Variants in ERAP2 observed in about 807,000 individuals in gnomAD.
ERAP2 encodes endoplasmic reticulum aminopeptidase 2.
Under a neutral mutation model 111.1 loss-of-function variants are expected in ERAP2, and 118 were observed. That is an observed-to-expected ratio of 1.06 (90% confidence interval 0.92 to 1.24). The LOEUF (loss-of-function observed/expected upper bound fraction) is 1.24. Ranked by LOEUF, ERAP2 falls within the 50% of genes most tolerant of loss-of-function variation. ERAP2 has a pLI of 0.00. For missense variants in ERAP2, 1,131 were observed against 1,125.8 expected (o/e 1.00, Z -0.07); for synonymous variants, 410 against 401.2 (o/e 1.02, Z -0.26).
intron 2 of ERAP2, among the ~76,000 whole-genome samples, chr5:96,882,392 G>A (rs146555369): frequency 6.0e-4 from 92 of 152,264 alleles, no homozygotes; most frequent in Middle Eastern, 3.4e-3. Flanking sequence ...TATTCCTGAT[G>A]CTCCTTATGG....
chr5:96,900,206 T>C lies in ERAP2; in HGVS notation c.1572+17T>C. ...AGTAACATGGTAAGGATAAAGAGAG[T>C]CACAGAGTAGAAGAGATCTGTGGAA... On this transcript the variant is annotated intron_variant, in intron 10 of 18. Transcript: ENST00000437043. 6.2e-7 allele frequency: 1 copy of C among 1,613,088 alleles called. No homozygotes were observed. Among genetic ancestry groups the C allele is most frequent in the Non-Finnish European group, 8.5e-7 (1 of 1,179,592 alleles).
intron 15 of ERAP2, 80 bp from the exon 16 acceptor site, chr5:96,912,557 T>C: frequency 9.9e-7 from 1 of 1,006,374 alleles, no homozygotes; most frequent in Non-Finnish European, 1.5e-6. Context: ...GATTATTGTG[T>C]TATAGGACTT....
chr5:96,877,355 G>A (rs531291844), intron 1 of ERAP2, among the ~76,000 whole-genome samples: 2 of 152,220 alleles, frequency 1.3e-5, no homozygotes, highest in Non-Finnish European at 2.9e-5. Flanking sequence ...AAGACTGTGT[G>A]AGTAAAGCTT....
At chr5:96,900,504 A>C (rs1481932966) in intron 10 of ERAP2, among the ~76,000 whole-genome samples, 1 of 152,158 alleles carries the variant, frequency 6.6e-6, no homozygotes, top group Admixed American at 6.5e-5. Context: ...AAATGCCAAA[A>C]TAAGTATGCT....
At chr5:96,892,559 G>A in intron 6 of ERAP2, 106 bp downstream of exon 6, 1 of 1,339,210 alleles carries the variant, frequency 7.5e-7, no homozygotes, top group Non-Finnish European at 1.0e-6. Flanking sequence ...TACCTCTAGA[G>A]GGGAACTTAG....
chr5:96,904,051 A>C (rs1398717941), intron 13 of ERAP2, among the ~76,000 whole-genome samples: 1 of 152,244 alleles, frequency 6.6e-6, no homozygotes, highest in Non-Finnish European at 1.5e-5. Flanking sequence ...TCTCTTAAGG[A>C]AAAGTACAAA....
At chr5:96,896,965 T>TAAGTCATATGTTGGGTAACGATAGGCTG in intron 9 of ERAP2, 102 bp downstream of exon 9, 1 of 987,684 alleles carries the variant, frequency 1.0e-6, no homozygotes, top group Admixed American at 3.2e-5. Flanking sequence ...GTCAACCATA[T>TAAGTCATATGTTGGGTAACGATAGGCTG]TTATTCTGCT....
chr5:96,891,347 ATATG>A (rs1366786049), intron 5 of ERAP2, among the ~76,000 whole-genome samples: 1 of 129,466 alleles, frequency 7.7e-6, no homozygotes, highest in Non-Finnish European at 1.6e-5. Context: ...CTGTATATGT[ATATG>A]TGTGTGTATA....
intron 15 of ERAP2, among the ~76,000 whole-genome samples, chr5:96,911,866 C>CAAACAAAAAA (rs1786779622): frequency 1.8e-5 from 1 of 56,634 alleles, no homozygotes; most frequent in African/African-American, 6.8e-5. Flanking sequence ...GACCCTGTCT[C>CAAACAAAAAA]AAAAAAAAAA....
rs1782990011 is a variant in ERAP2 at position 96,880,226 on chromosome 5, A to G, written c.541A>G (p.Lys181Glu). 9 of 1,613,980 alleles carry G rather than the reference A, an allele frequency of 5.6e-6. No homozygotes were observed. The highest frequency in any genetic ancestry group is 7.6e-6 in the Non-Finnish European group (9 of 1,179,916). Residue 181 changes from lysine to glutamate, a missense_variant, in exon 2 of 19, where the codon AAA becomes GAA. Around this residue, in one of 3 missense-constraint regions of ERAP2, gnomAD observed 847 missense variants for 856.5 expected, o/e 0.99. Transcript: ENST00000437043. ...KLGDGFEGFY[K>E]STYRTLGGET... ...AGGTGATGGCTTTGAAGGGTTTTATAAAAGCACATACAGAACTCTTGGTGG... is the reference window on the plus strand; with the variant it reads ...AGGTGATGGCTTTGAAGGGTTTTATGAAAGCACATACAGAACTCTTGGTGG...
intron 15 of ERAP2, among the ~76,000 whole-genome samples, chr5:96,912,176 G>A (rs1786856257): frequency 7.6e-6 from 1 of 131,098 alleles, no homozygotes; most frequent in African/African-American, 2.9e-5. Context: ...GGGCGACAGT[G>A]AGACTCCACC....
At chr5:96,902,414 T>C in intron 12 of ERAP2, 61 bp downstream of exon 12, 1 of 1,043,054 alleles carries the variant, frequency 9.6e-7, no homozygotes, top group Non-Finnish European at 1.5e-6. Flanking sequence ...TGTTGAGCTA[T>C]TTGAAGGAAC....
At chr5:96,898,024 CG>C (rs1785040363) in intron 9 of ERAP2, among the ~76,000 whole-genome samples, 1 of 152,078 alleles carries the variant, frequency 6.6e-6, no homozygotes. Flanking sequence ...CGTGGAACCC[CG>C]TCTGTACTAG....
At chr5:96,899,604 T>G (rs1022402615) in intron 9 of ERAP2, among the ~76,000 whole-genome samples, 1 of 152,216 alleles carries the variant, frequency 6.6e-6, no homozygotes, top group Middle Eastern at 3.2e-3. Flanking sequence ...TCTTATTTTA[T>G]TCCCAGTTAG....
chr5:96,895,067 G>A (rs1342418927), intron 6 of ERAP2, among the ~76,000 whole-genome samples, 179 bp from the exon 7 acceptor site: 1 of 151,946 alleles, frequency 6.6e-6, no homozygotes, highest in Non-Finnish European at 1.5e-5. Context: ...AAAATGTGGT[G>A]GTGAGAATAA....
Position 96,880,251 on chromosome 5 carries a change from G to C in ERAP2, c.566G>C (p.Gly189Ala). ...FYKSTYRTLG[G>A]ETRILAVTDF... is the part of the protein sequence containing the mutation. ...AAAAGCACATACAGAACTCTTGGTG[G>C]TGAAACAAGGTAAGAACTTGCTCAG... Residue 189 changes from glycine to alanine, a missense_variant, in exon 2 of 19, where the codon GGT becomes GCT. Physicochemically the swap from Gly to Ala is moderately conservative, Grantham distance 60. Around this residue, in one of 3 missense-constraint regions of ERAP2, gnomAD observed 847 missense variants for 856.5 expected, o/e 0.99. Coordinates refer to ENST00000437043, the MANE Select transcript of ERAP2 (RefSeq NM_022350.5). The C allele has an allele frequency of 6.2e-7, 1 of 1,607,994 alleles. No individual in the cohort carries two copies. Among genetic ancestry groups the C allele is most frequent in the Non-Finnish European group, 8.5e-7 (1 of 1,176,954 alleles).
chr5:96,908,616 T>G (rs1172612098), intron 13 of ERAP2, among the ~76,000 whole-genome samples: 1 of 152,244 alleles, frequency 6.6e-6, no homozygotes, highest in Non-Finnish European at 1.5e-5. Flanking sequence ...TGGTACTAAA[T>G]GTTAATATTG....
Position 96,903,503 on chromosome 5 carries a change from C to T in ERAP2, c.1955C>T (p.Thr652Ile), listed in dbSNP as rs761983328. Residue 652 changes from threonine (T) to isoleucine (I), a missense_variant, in exon 13 of 19, where the codon ACA becomes ATA. Thr to Ile is a moderately conservative substitution (Grantham distance 89). This residue lies in a region of ERAP2 where 847 missense variants were observed against 856.5 expected (regional missense o/e 0.99). Coordinates refer to ENST00000437043, the MANE Select transcript of ERAP2 (RefSeq NM_022350.5). ...ATTACACAGCTGAATCAGAACCACA[C>T]ACTTCTCAGACCTAAGGACAGAGTA... Reference protein sequence around the residue: ...QLITQLNQNHTLLRPKDRVGL... With the variant: ...QLITQLNQNHILLRPKDRVGL... 3 of 1,614,020 alleles carry T rather than the reference C, an allele frequency of 1.9e-6. No homozygotes were observed. In the South Asian group the frequency reaches 3.3e-5, roughly 18 times the overall value.
At position 96,896,433 on chromosome 5, in the gene ERAP2, C is replaced by T. The variant is rs775243575; in HGVS notation, c.1300C>T (p.Arg434Cys). The change falls in exon 8 of 19, where the codon CGC becomes TGC. Residue 434 changes from arginine (R) to cysteine (C), a missense_variant. Arg to Cys is a radical substitution (Grantham distance 180, BLOSUM62 -3). Around this residue, in one of 3 missense-constraint regions of ERAP2, gnomAD observed 847 missense variants for 856.5 expected, o/e 0.99. Transcript: ENST00000437043. ...TACAAAAGATTCATTGAATTCATCC[C>T]GCCCTATCTCCAAACCAGCGGAAAC... ...VITKDSLNSS[R>C]PISKPAETPT... 9.4e-5 allele frequency: 151 copies of T among 1,612,884 alleles called. No individual in the cohort carries two copies. Among genetic ancestry groups the T allele is most frequent in the Middle Eastern group, 1.6e-4 (1 of 6,078 alleles).
Sources: allele counts gnomAD v4.1 joint callset (sites outside exome capture counted in the v4.1 genomes callset), GRCh38; gene constraint gnomAD v4.1.1; regional missense constraint gnomAD v4.1.1; transcripts MANE v1.5; gene names NCBI Gene and HGNC (gene_info 2026-07-23, HGNC 2026-07-21).